The following FSTL4 variants were observed in gnomAD, a reference collection of about 807,000 sequenced individuals.
The protein encoded by FSTL4 is follistatin-related protein 4.
A neutral mutation model predicts 78.2 loss-of-function variants in FSTL4; 28 were observed. The ratio of observed to expected loss-of-function variants is 0.36; its 90% CI spans 0.27 to 0.49. The LOEUF (loss-of-function observed/expected upper bound fraction) is 0.49, where lower values mean the gene tolerates loss of function less well. Among genes scored for constraint, FSTL4 ranks in the 20% least tolerant of loss-of-function variants. The pLI, the probability that FSTL4 is intolerant of heterozygous loss-of-function variation, is 0.98. For missense variants in FSTL4, 922 were observed against 1,084.9 expected, an observed-to-expected ratio of 0.85 and a Z score of 2.11; for synonymous variants, 422 against 440.5, an observed-to-expected ratio of 0.96 and a Z score of 0.53.
At chr5:133,818,967 G>GTA in the FSTL4 span, among the ~76,000 whole-genome samples, 15 of 39,364 alleles carry the variant, frequency 3.8e-4, no homozygotes, top group African/African-American at 1.2e-3. Context: ...ACACACGTAC[G>GTA]CATGCACACA....
intron 6 of FSTL4, among the ~76,000 whole-genome samples, chr5:133,268,215 AGCGGAG>A (rs1752687396): frequency 1.3e-5 from 2 of 152,168 alleles, no homozygotes; most frequent in Admixed American, 1.3e-4. Flanking sequence ...CTTCACCAAG[AGCGGAG>A]GCTAGATTCC....
At chr5:133,561,335 G>A (rs184141852) in intron 3 of FSTL4, among the ~76,000 whole-genome samples, 8 of 152,004 alleles carry the variant, frequency 5.3e-5, no homozygotes, top group African/African-American at 1.7e-4. Context: ...TGCACACACA[G>A]TCACCCCTCC....
intron 7 of FSTL4, chr5:133,247,447 T>C (rs1168163533): frequency 6.6e-6 from 1 of 152,186 alleles, no homozygotes; most frequent in Non-Finnish European, 1.5e-5. Flanking sequence ...CGCCAAGTAA[T>C]GCACATGAAA....
At chr5:133,447,708 T>C (rs1757296960) in intron 3 of FSTL4, among the ~76,000 whole-genome samples, 1 of 152,090 alleles carries the variant, frequency 6.6e-6, no homozygotes, top group African/African-American at 2.4e-5. Flanking sequence ...TTCAACTAAT[T>C]TTTGTATTTT....
chr5:133,701,417 AG>A, the FSTL4 span, among the ~76,000 whole-genome samples: 17 of 133,996 alleles, frequency 1.3e-4, no homozygotes, highest in East Asian at 4.6e-4. Context: ...AAAAAAAAAA[AG>A]AAAGAAAGAA....
At chr5:133,700,360 G>C in the FSTL4 span, among the ~76,000 whole-genome samples, 3 of 127,238 alleles carry the variant, frequency 2.4e-5, no homozygotes, top group East Asian at 2.3e-4. Flanking sequence ...TCACACCAAA[G>C]CACCACACCA....
intron 3 of FSTL4, among the ~76,000 whole-genome samples, chr5:133,497,669 C>T (rs1758396969): frequency 6.6e-6 from 1 of 152,192 alleles, no homozygotes; most frequent in Non-Finnish European, 1.5e-5. Context: ...GATGCATAGA[C>T]ATCCATCTCT....
intron 2 of FSTL4, among the ~76,000 whole-genome samples, chr5:133,590,374 T>C (rs1760598524): frequency 6.6e-6 from 1 of 152,164 alleles, no homozygotes; most frequent in Admixed American, 6.5e-5. Context: ...ACTTTGTATC[T>C]AGCTGGGAGC....
At chr5:133,403,370 G>A (rs1245799507) in intron 3 of FSTL4, among the ~76,000 whole-genome samples, 1 of 152,166 alleles carries the variant, frequency 6.6e-6, no homozygotes, top group East Asian at 1.9e-4. Context: ...TTTTCTCTAT[G>A]AAGTGCTTGC....
At chr5:133,270,623 T>G (rs1312150463) in intron 6 of FSTL4, among the ~76,000 whole-genome samples, 1 of 152,226 alleles carries the variant, frequency 6.6e-6, no homozygotes, top group Non-Finnish European at 1.5e-5. Flanking sequence ...GTCCTGTGGC[T>G]TTCAAAGTTT....
chr5:133,697,189 A>G, the FSTL4 span, among the ~76,000 whole-genome samples: 5 of 152,266 alleles, frequency 3.3e-5, no homozygotes, highest in Admixed American at 2.0e-4. Flanking sequence ...CTGAGCCCAC[A>G]CTGCTGGCAG....
chr5:133,508,496 G>A (rs1019779750), intron 3 of FSTL4, among the ~76,000 whole-genome samples: 7 of 152,206 alleles, frequency 4.6e-5, no homozygotes, highest in Non-Finnish European at 8.8e-5. Context: ...GCTGTGATGT[G>A]ATGACAGCTA....
At chr5:133,756,263 A>C in the FSTL4 span, among the ~76,000 whole-genome samples, 1 of 151,982 alleles carries the variant, frequency 6.6e-6, no homozygotes, top group East Asian at 1.9e-4. Context: ...CCAGGACACC[A>C]GGGAACCTGG....
chr5:133,288,917 G>C (rs1334885548), intron 6 of FSTL4, among the ~76,000 whole-genome samples: 1 of 152,218 alleles, frequency 6.6e-6, no homozygotes, highest in South Asian at 2.1e-4. Context: ...AAAGACTGAG[G>C]TGAGGGTCTG....
At chr5:133,567,265 T>C in intron 2 of FSTL4, 46 bp from the exon 3 acceptor site, 1 of 1,378,480 alleles carries the variant, frequency 7.3e-7, no homozygotes, top group South Asian at 1.2e-5. Flanking sequence ...ATAATTCATA[T>C]GTACAGATAC....
chr5:133,710,916 G>A, the FSTL4 span, among the ~76,000 whole-genome samples: 2 of 152,110 alleles, frequency 1.3e-5, no homozygotes, highest in South Asian at 4.1e-4. Flanking sequence ...ATACTATCAG[G>A]AACAGTAAAA....
the FSTL4 span, among the ~76,000 whole-genome samples, chr5:133,668,284 C>T: frequency 1.3e-5 from 2 of 152,126 alleles, no homozygotes; most frequent in Non-Finnish European, 2.9e-5. Context: ...AACAGAGCTT[C>T]AGGGGTCAGG....
intron 4 of FSTL4, among the ~76,000 whole-genome samples, chr5:133,352,101 T>A (rs1754834568): frequency 6.6e-6 from 1 of 151,802 alleles, no homozygotes. Context: ...TACAAAGGTA[T>A]ACTGTGTGAT....
the FSTL4 span, among the ~76,000 whole-genome samples, chr5:133,630,234 ATAT>A: frequency 6.6e-6 from 1 of 152,300 alleles, no homozygotes; most frequent in East Asian, 1.9e-4. Context: ...ACATGATTGT[ATAT>A]TTAGAAAATG....
Sources: allele counts gnomAD v4.1 joint callset (sites outside exome capture counted in the v4.1 genomes callset), GRCh38; gene constraint gnomAD v4.1.1; transcripts MANE v1.5; gene names NCBI Gene and HGNC (gene_info 2026-07-23, HGNC 2026-07-21).